GRIK4: variants seen among roughly 807,000 people sequenced by gnomAD.
GRIK4 encodes glutamate receptor ionotropic, kainate 4.
A neutral mutation model predicts 104.9 loss-of-function variants in GRIK4; 40 were observed. The ratio of observed to expected loss-of-function variants is 0.38; its 90% CI spans 0.30 to 0.50. The LOEUF (loss-of-function observed/expected upper bound fraction) is 0.50. Ranked by LOEUF, GRIK4 falls within the 20% of genes least tolerant of loss-of-function variation. GRIK4 has a pLI of 0.93. For missense variants in GRIK4, 1,047 were observed against 1,308.1 expected (o/e 0.80, Z 3.08); for synonymous variants, 485 against 524.9 (o/e 0.92, Z 1.04).
intron 3 of GRIK4, among the ~76,000 whole-genome samples, chr11:120,796,176 C>T (rs1457033931): frequency 1.3e-5 from 2 of 151,686 alleles, no homozygotes; most frequent in African/African-American, 2.4e-5. Context: ...GCTGGGACTA[C>T]ATGTGCCCGC....
In GRIK4 at chr11:120,699,408, A is replaced by G. The variant is rs546075391; in HGVS notation, c.82+39008A>G. Among the ~76,000 whole-genome samples, 801 of 152,278 alleles carry G rather than the reference A, an allele frequency of 5.3e-3. 11 individuals carry two copies. Among genetic ancestry groups the G allele is most frequent in the African/African-American group, 0.019 (769 of 41,550 alleles). ...TTCCATGGCCTGCAGTCTTTAGTTC[A>G]TTCTACAAATAAATATTTATTTCCT... On this transcript the variant is annotated intron_variant, in intron 3 of 20. Coordinates refer to ENST00000527524, the MANE Select transcript of GRIK4 (RefSeq NM_014619.5).
intron 3 of GRIK4, among the ~76,000 whole-genome samples, chr11:120,742,028 G>T (rs1318753850): frequency 6.6e-6 from 1 of 152,128 alleles, no homozygotes; most frequent in Non-Finnish European, 1.5e-5. Context: ...TTAAGGAAAG[G>T]TTTGGTCAAA....
chr11:120,519,880 G>GTTTTTTTTTTTTTTTTTT (rs11300538), intron 1 of GRIK4, among the ~76,000 whole-genome samples: 1 of 121,618 alleles, frequency 8.2e-6, no homozygotes, highest in Admixed American at 8.4e-5. Context: ...TTTTTTTTTT[G>GTTTTTTTTTTTTTTTTTT]TTTTTTTTTT....
chr11:120,564,192 T>C (rs1229537210), intron 1 of GRIK4, among the ~76,000 whole-genome samples: 2 of 152,222 alleles, frequency 1.3e-5, no homozygotes, highest in East Asian at 1.9e-4. Flanking sequence ...TTGGTTACTC[T>C]GGCAACTCGC....
chr11:120,875,740 A>G (rs555201547), intron 11 of GRIK4, among the ~76,000 whole-genome samples: 2 of 152,144 alleles, frequency 1.3e-5, no homozygotes, highest in Non-Finnish European at 1.5e-5. Flanking sequence ...TGCCTGCTCC[A>G]TCATTGCAGG....
rs1020517933 is a variant in GRIK4 at position 120,904,995 on chromosome 11, A to G, written c.1273-295A>G. 2.6e-5 allele frequency among the ~76,000 whole-genome samples: 4 copies of G among 152,184 alleles called. No individual in the cohort carries two copies. In the East Asian group the frequency reaches 7.7e-4, roughly 29 times the overall value. On this transcript the variant is annotated intron_variant, in intron 12 of 20. Transcript: ENST00000527524. The stretch of plus-strand genomic sequence containing the variant: ...GCAGGGGTAGAAAAAAAAGAGAGAG[A>G]TAGATAGTGGGGTCAGATGATGACC...
At chr11:120,928,967 GTGTGT>G (rs1943415138) in intron 13 of GRIK4, among the ~76,000 whole-genome samples, 3 of 27,792 alleles carry the variant, frequency 1.1e-4, no homozygotes, top group African/African-American at 1.8e-4. Flanking sequence ...AGACGTGTGT[GTGTGT>G]GTGTGTGTGT....
intron 3 of GRIK4, among the ~76,000 whole-genome samples, chr11:120,801,318 CG>C (rs1411952341): frequency 1.3e-5 from 2 of 152,162 alleles, no homozygotes; most frequent in South Asian, 2.1e-4. Context: ...CTCCACTTCC[CG>C]GGTTCAAGTG....
chr11:120,798,157 CTTTTTTTTTTTT>C (rs539833846), intron 3 of GRIK4, among the ~76,000 whole-genome samples: 3,394 of 68,452 alleles, frequency 0.05, 185 homozygotes, highest in African/African-American at 0.15. Context: ...TCTGCTGTCT[CTTTTTTTTTTTT>C]TTTTTTTTTT....
chr11:120,764,326 C>T (rs1951796406), intron 3 of GRIK4, among the ~76,000 whole-genome samples: 1 of 152,128 alleles, frequency 6.6e-6, no homozygotes, highest in Non-Finnish European at 1.5e-5. Flanking sequence ...TTATTTTGAG[C>T]CCACGTGTGT....
intron 18 of GRIK4, 168 bp downstream of exon 18, chr11:120,962,849 A>C (rs1314960783): frequency 1.8e-6 from 1 of 543,560 alleles, no homozygotes; most frequent in Non-Finnish European, 3.2e-6. Flanking sequence ...TAAAGCAAAC[A>C]CACATATTTC....
chr11:120,817,457 A>G (rs1952991227), intron 5 of GRIK4, among the ~76,000 whole-genome samples: 2 of 152,194 alleles, frequency 1.3e-5, no homozygotes, highest in African/African-American at 2.4e-5. Context: ...ATGTTTTATG[A>G]GGCTGAACTG....
chr11:120,878,404 G>A (rs1954875394), intron 11 of GRIK4, among the ~76,000 whole-genome samples: 1 of 152,168 alleles, frequency 6.6e-6, no homozygotes, highest in East Asian at 1.9e-4. Context: ...TGTCCTAGTA[G>A]AAGAGTGTTC....
At chr11:120,686,540 G>T (rs1950279507) in intron 3 of GRIK4, among the ~76,000 whole-genome samples, 1 of 152,226 alleles carries the variant, frequency 6.6e-6, no homozygotes, top group Admixed American at 6.5e-5. Flanking sequence ...CCATACCAGG[G>T]AAGCTCACAA....
At chr11:120,598,273 G>T (rs1028722601) in intron 1 of GRIK4, among the ~76,000 whole-genome samples, 1 of 152,170 alleles carries the variant, frequency 6.6e-6, no homozygotes. Context: ...TTATGAAACG[G>T]CTTGCTGTGC....
chr11:120,568,446 G>A (rs747228801), intron 1 of GRIK4, among the ~76,000 whole-genome samples: 1 of 151,614 alleles, frequency 6.6e-6, no homozygotes, highest in Admixed American at 6.6e-5. Context: ...GGAGTGCAGT[G>A]GCATAATCTT....
chr11:120,522,822 T>C (rs558568827), intron 1 of GRIK4, among the ~76,000 whole-genome samples: 12 of 152,180 alleles, frequency 7.9e-5, no homozygotes, highest in Non-Finnish European at 1.6e-4. Flanking sequence ...GGACCTGCCT[T>C]ATGAGGGAGA....
rs777475228 is a variant in GRIK4, at chr11:120,952,972, C to T, written c.1700+8C>T. ...CCTCTTCCTGGTGGCTCGGTACTCT[C>T]CTCTTCCCTTCCCTGTCCTTACACC... On this transcript the variant is annotated splice_region_variant and intron_variant, in intron 15 of 20. Transcript: ENST00000527524. The surrounding 1 kb of genome is among the most constrained non-coding windows in gnomAD (Gnocchi z 5.2). The T allele has an allele frequency of 6.4e-6, 10 of 1,568,614 alleles. No homozygotes were observed. The highest frequency in any genetic ancestry group is 7.9e-6 in the Non-Finnish European group (9 of 1,138,782).
chr11:120,840,170 A>G (rs1953677416), intron 8 of GRIK4, among the ~76,000 whole-genome samples: 1 of 152,178 alleles, frequency 6.6e-6, no homozygotes, highest in Middle Eastern at 3.2e-3. Flanking sequence ...GTGTCAGGCA[A>G]TGGAGAGAGA....
Sources: gnomAD v4.1 joint callset for allele counts (sites outside exome capture counted in the v4.1 genomes callset) on GRCh38, gnomAD v4.1.1 for gene constraint, Gnocchi (gnomAD v3.1) non-coding constraint, MANE v1.5 for transcripts, NCBI Gene and HGNC (gene_info 2026-07-23, HGNC 2026-07-21) for gene names.